The following BBS2 variants were observed in gnomAD, a reference collection of about 807,000 sequenced individuals.
BBS2 encodes BBSome complex member BBS2.
A neutral mutation model predicts 83.0 loss-of-function variants in BBS2; 62 were observed. The ratio of observed to expected loss-of-function variants is 0.75; its 90% CI spans 0.61 to 0.92. The LOEUF (loss-of-function observed/expected upper bound fraction) is 0.92, where lower values mean the gene tolerates loss of function less well. Ranked by LOEUF, BBS2 falls within the 40% of genes least tolerant of loss-of-function variation. BBS2 has a pLI of 0.00. For missense variants in BBS2, 784 were observed against 901.0 expected (o/e 0.87, Z 1.66); for synonymous variants, 303 against 326.1 (o/e 0.93, Z 0.76).
chr16:56,487,161 G>T (rs564010414), intron 15 of BBS2, among the ~76,000 whole-genome samples: 1 of 151,710 alleles, frequency 6.6e-6, no homozygotes. Context: ...TAAATTTTCT[G>T]CATGTATGAG....
chr16:56,514,591 G>C lies in BBS2; in HGVS notation c.207C>G (p.Leu69=). 1 of 1,614,128 alleles carries C rather than the reference G, an allele frequency of 6.2e-7. No individual in the cohort carries two copies. The highest frequency in any genetic ancestry group is 8.5e-7 in the Non-Finnish European group (1 of 1,179,992). ...QSPLESDVSL[L]SINQAVSCLT... is the part of the protein sequence containing the mutation. ...GACAGCTGACTGCCTGGTTAATGCT[G>C]AGAAGAGAAACATCAGATTCCAGGG... Residue 69 remains leucine, a synonymous_variant, in exon 2 of 17, where the codon CTC becomes CTG. Coordinates refer to ENST00000245157, the MANE Select transcript of BBS2 (RefSeq NM_031885.5).
At chr16:56,500,527 A>G in intron 11 of BBS2, 1 of 314,616 alleles carries the variant, frequency 3.2e-6, no homozygotes, top group Admixed American at 4.6e-5. Flanking sequence ...CAGGAGGCTG[A>G]GGCAGAAGAA....
At chr16:56,470,415 G>A (rs1003166393), downstream of BBS2, 17 of 1,337,686 alleles carry the variant, frequency 1.3e-5, no homozygotes, top group South Asian at 2.8e-5. Context: ...CAAAGCTAAC[G>A]ATCAGCTTTT....
chr16:56,502,081 T>TATAA, intron 9 of BBS2: 1 of 591,444 alleles, frequency 1.7e-6, no homozygotes, highest in Non-Finnish European at 3.0e-6. Flanking sequence ...TTTTCACTGC[T>TATAA]ATAAATAAAT....
At chr16:56,510,124 A>G (rs1722319091) in intron 4 of BBS2, 90 bp from the exon 5 acceptor site, 1 of 1,143,122 alleles carries the variant, frequency 8.7e-7, no homozygotes, top group South Asian at 1.3e-5. Flanking sequence ...AGTACTTTGC[A>G]TGCTGCTTCT....
rs181983818 is a variant in BBS2, at chr16:56,485,952, T to G, written c.1911-214A>C. The stretch of plus-strand genomic sequence containing the variant: ...ATAAACAGAAGACAAGTGGCCTTCC[T>G]TGGTTACTGGTCAATGGTTGATTTA... On this transcript the variant is annotated intron_variant, in intron 15 of 16. Transcript: ENST00000245157. Among the ~76,000 whole-genome samples, 142 of 152,310 alleles carry G rather than the reference T, an allele frequency of 9.3e-4. 1 individual carries two copies. The highest frequency in any genetic ancestry group is 4.5e-3 in the Admixed American group (69 of 15,304).
At chr16:56,504,392 T>TA (rs1362025245) in intron 7 of BBS2, among the ~76,000 whole-genome samples, 6 of 152,362 alleles carry the variant, frequency 3.9e-5, no homozygotes, top group Admixed American at 3.3e-4. Context: ...TTTCTGTGGA[T>TA]ATTCTGATCT....
chr16:56,476,867 A>T (rs1380345880), intron 17 of BBS2: 1 of 152,430 alleles, frequency 6.6e-6, no homozygotes, highest in Non-Finnish European at 1.5e-5. Context: ...ATGGTGGCTC[A>T]CGCCTGTAAT....
chr16:56,499,884 G>C lies in BBS2; in HGVS notation c.1421C>G (p.Ser474Trp), dbSNP rs768215650. The change falls in exon 12 of 17, where the codon TCG becomes TGG. Residue 474 changes from serine to tryptophan, a missense_variant. Ser to Trp is a radical substitution (Grantham distance 177). Coordinates refer to ENST00000245157, the MANE Select transcript of BBS2 (RefSeq NM_031885.5). ...RSSTQFHVFESTRQLPRFSMY... is the reference protein window; with the variant it reads ...RSSTQFHVFEWTRQLPRFSMY... ...GGAGAATCGAGGGAGCTGTCTTGTCGATTCAAATACATGAAACTGGGTGCT... is the reference window on the plus strand; with the variant it reads ...GGAGAATCGAGGGAGCTGTCTTGTCCATTCAAATACATGAAACTGGGTGCT... The C allele has an allele frequency of 6.2e-7, 1 of 1,613,880 alleles. No homozygotes were observed. Among genetic ancestry groups the C allele is most frequent in the Admixed American group, 1.7e-5 (1 of 60,002 alleles).
chr16:56,497,666 A>ATTTG, intron 14 of BBS2, 77 bp downstream of exon 14: 1 of 1,581,754 alleles, frequency 6.3e-7, no homozygotes. Flanking sequence ...ACATAAGTAC[A>ATTTG]TTTGTAGTAC....
chr16:56,475,932 T>G lies in BBS2; in HGVS notation c.*1-5237A>C, dbSNP rs895322197. Reference sequence around the variant, plus strand: ...AGTAAGTGTTCATTCAGAGGACCCCTCTATCCCCAGATTAAGTGCTTGATA... The same window carrying G: ...AGTAAGTGTTCATTCAGAGGACCCCGCTATCCCCAGATTAAGTGCTTGATA... On this transcript the variant is annotated intron_variant, in intron 17 of 17. Transcript: ENST00000682047. 3.4e-5 allele frequency: 33 copies of G among 971,128 alleles called. No individual in the cohort carries two copies. In the Admixed American group the frequency reaches 6.2e-4, roughly 18 times the overall value. 60.2% of individuals were successfully genotyped at this position (971,128 alleles called of 1,614,324 possible).
intron 7 of BBS2, among the ~76,000 whole-genome samples, chr16:56,505,408 G>A (rs1263558551): frequency 2.0e-5 from 3 of 152,212 alleles, no homozygotes; most frequent in Non-Finnish European, 4.4e-5. Context: ...TGGTATCCAT[G>A]GAGATCTGGC....
At chr16:56,492,202 T>C (rs1469007479) in intron 15 of BBS2, among the ~76,000 whole-genome samples, 1 of 152,084 alleles carries the variant, frequency 6.6e-6, no homozygotes, top group African/African-American at 2.4e-5. Flanking sequence ...TGAAGACCTA[T>C]TAGCACTCCC....
At position 56,484,774 on chromosome 16, in the gene BBS2, GT is replaced by G. The variant is rs1156738620; in HGVS notation, c.2152del (p.Thr718GlnfsTer6). On this transcript the variant is annotated frameshift_variant, in exon 17 of 17. Coordinates refer to ENST00000245157, the MANE Select transcript of BBS2 (RefSeq NM_031885.5). LOFTEE classifies it high-confidence loss of function. Reference sequence around the variant, plus strand: ...TATTTTCCTCACCTAGGAAGAAGCTGTCCCCACTCGCATGATTTTGAACAGT... The same window carrying G: ...TATTTTCCTCACCTAGGAAGAAGCTGCCCCACTCGCATGATTTTGAACAGT... ...NTLFKIMRVG[T>X]ASS 8 of 1,613,712 alleles carry G rather than the reference GT, an allele frequency of 5.0e-6. No individual in the cohort carries two copies. In the South Asian group the frequency reaches 8.8e-5, roughly 18 times the overall value.
In BBS2 at chr16:56,510,761, G is replaced by T. The variant is rs1395476925; in HGVS notation, c.534+98C>A. On this transcript the variant is annotated intron_variant, in intron 4 of 16. Coordinates refer to ENST00000245157, the MANE Select transcript of BBS2 (RefSeq NM_031885.5). Reference sequence around the variant, plus strand: ...TTTAGGCAACAGAGCACCAAAATCAGCCAGGAGAAGCTTACACTTCTGTCA... The same window carrying T: ...TTTAGGCAACAGAGCACCAAAATCATCCAGGAGAAGCTTACACTTCTGTCA... 4.5e-6 allele frequency: 6 copies of T among 1,320,646 alleles called. No homozygotes were observed. The African/African-American group carries it at 8.7e-5, about 19-fold the overall frequency. 81.8% of individuals were successfully genotyped at this position (1,320,646 alleles called of 1,614,324 possible).
At position 56,497,760 on chromosome 16, in the gene BBS2, G is replaced by A. The variant is rs762047808; in HGVS notation, c.1780C>T (p.Arg594Ter). The A allele has an allele frequency of 1.8e-5, 29 of 1,613,124 alleles. No homozygotes were observed. The highest frequency in any genetic ancestry group is 2.0e-5 in the Non-Finnish European group (24 of 1,179,834). Residue 594 changes from arginine to a stop codon, truncating the protein, a stop_gained, in exon 14 of 17, where the codon CGA becomes TGA. Coordinates refer to ENST00000245157, the MANE Select transcript of BBS2 (RefSeq NM_031885.5). LOFTEE classifies it high-confidence loss of function. ...TCCCTCACCTTAACTAGCACCTTTC[G>A]TAATTCCTCAAAATAGACAGGAAAA... is the stretch of plus-strand genomic sequence containing the variant. The part of the protein sequence containing the change: ...ADFPVYFEEL[R>*]KVLVKVDEYH...
At chr16:56,472,963 G>GCT (rs1156585436) in intron 17 of BBS2, among the ~76,000 whole-genome samples, 1 of 152,074 alleles carries the variant, frequency 6.6e-6, no homozygotes, top group African/African-American at 2.4e-5. Flanking sequence ...ACAGAGTCTC[G>GCT]CTCTGTTGCC....
chr16:56,502,125 A>G (rs1444846724), intron 9 of BBS2, 192 bp downstream of exon 9: 5 of 772,664 alleles, frequency 6.5e-6, no homozygotes, highest in Non-Finnish European at 1.1e-5. Flanking sequence ...ACAATCAGGA[A>G]AACATTTCTA....
At chr16:56,498,758 C>T (rs1326997441) in intron 12 of BBS2, 190 bp from the exon 13 acceptor site, 3 of 1,468,160 alleles carry the variant, frequency 2.0e-6, no homozygotes, top group African/African-American at 2.8e-5. Context: ...TACTAAAACA[C>T]TAGTCACATT....
Sources: gnomAD v4.1 joint callset for allele counts (sites outside exome capture counted in the v4.1 genomes callset) on GRCh38, gnomAD v4.1.1 for gene constraint, MANE v1.5 for transcripts, NCBI Gene and HGNC (gene_info 2026-07-23, HGNC 2026-07-21) for gene names.